The following CYP4F3 variants were observed in gnomAD, a reference collection of about 807,000 sequenced individuals.
CYP4F3 encodes the protein cytochrome P450 4F3.
In CYP4F3, 50 loss-of-function variants were observed where a neutral mutation model predicts 54.8. The ratio of observed to expected loss-of-function variants is 0.91; its 90% confidence interval spans 0.73 to 1.16. The LOEUF (loss-of-function observed/expected upper bound fraction) is 1.16. Ranked by LOEUF, CYP4F3 falls within the 50% of genes most tolerant of loss-of-function variation. The pLI, the probability that CYP4F3 is intolerant of heterozygous loss-of-function variation, is 0.00. For synonymous variants in CYP4F3, 244 were observed against 262.6 expected (o/e 0.93, Z 0.69); for missense variants, 715 against 676.2 (o/e 1.06, Z -0.64).
At chr19:15,657,657 A>G (rs1973062693) in intron 9 of CYP4F3, among the ~76,000 whole-genome samples, 1 of 116,720 alleles carries the variant, frequency 8.6e-6, no homozygotes, top group Non-Finnish European at 1.7e-5. Flanking sequence ...CAATAGTACT[A>G]TTGTATTATT....
At chr19:15,641,709 C>A in intron 2 of CYP4F3, 96 bp downstream of exon 2, 2 of 552,574 alleles carry the variant, frequency 3.6e-6, no homozygotes, top group East Asian at 5.0e-5. Flanking sequence ...GGGCTGGGGT[C>A]TGGGGTGGCA....
Position 15,658,489 on chromosome 19 carries a change from A to T in CYP4F3, c.1250-2A>T, listed in dbSNP as rs1022968272. The T allele has an allele frequency of 3.7e-6, 6 of 1,614,164 alleles. No individual in the cohort carries two copies. The highest frequency in any genetic ancestry group is 5.1e-6 in the Non-Finnish European group (6 of 1,180,032). ...TCCTGACTGCCCCCTTCTCTCCCAC[A>T]GGCATTATCTGCCTCATCAGTGTTT... On this transcript the variant is annotated splice_acceptor_variant, in intron 10 of 12. Coordinates refer to ENST00000221307, the MANE Select transcript of CYP4F3 (RefSeq NM_000896.3). LOFTEE classifies it high-confidence loss of function.
rs765921151 is a variant in CYP4F3, at chr19:15,659,411, CA to C, written c.*27del. The C allele has an allele frequency of 1.9e-6, 3 of 1,603,638 alleles. No individual in the cohort carries two copies. In the African/African-American group the frequency reaches 4.0e-5, roughly 22 times the overall value. On this transcript the variant is annotated 3_prime_UTR_variant, in exon 13 of 13. Transcript: ENST00000221307. ...GTTCTGCAGAGACCCACTCTGACCCCACTAAAATGACCCCTGATTCATCAAA... is the reference window on the plus strand; with the variant it reads ...GTTCTGCAGAGACCCACTCTGACCCCCTAAAATGACCCCTGATTCATCAAA...
At chr19:15,658,691 A>T (rs769969617) in intron 11 of CYP4F3, 36 bp from the exon 12 acceptor site, 14 of 1,612,046 alleles carry the variant, frequency 8.7e-6, no homozygotes, top group Non-Finnish European at 1.1e-5. Context: ...GGACTGGGAG[A>T]CCCCACCCGG....
At chr19:15,643,891 C>T (rs747694152) in intron 2 of CYP4F3, 18 of 1,545,250 alleles carry the variant, frequency 1.2e-5, no homozygotes, top group Non-Finnish European at 1.3e-5. Flanking sequence ...GGTGACGGCC[C>T]CTGCCTTGCT....
chr19:15,656,495 AT>A (rs1228399494), intron 9 of CYP4F3, among the ~76,000 whole-genome samples: 6 of 72,184 alleles, frequency 8.3e-5, no homozygotes, highest in Non-Finnish European at 1.5e-4. Context: ...CTATCTATCT[AT>A]CTATCTATCT....
At position 15,658,797 on chromosome 19, in the gene CYP4F3, C is replaced by T. The variant is rs201834595; in HGVS notation, c.1385C>T (p.Ser462Leu). 5.9e-4 allele frequency: 945 copies of T among 1,614,014 alleles called. No homozygotes were observed. Among genetic ancestry groups the T allele is most frequent in the Non-Finnish European group, 7.3e-4 (867 of 1,180,018 alleles). Residue 462 changes from serine (S) to leucine (L), a missense_variant, in exon 12 of 13, where the codon TCA becomes TTA. Transcript: ENST00000221307. ...ERSPLAFIPF[S>L]AGPRNCIGQA... ...TCACCTCTGGCTTTTATTCCCTTCT[C>T]AGCAGGGCCCAGGTAAGAGCGGCCT...
At chr19:15,658,877 G>A (rs1973110452) in intron 12 of CYP4F3, 68 bp downstream of exon 12, 2 of 1,561,642 alleles carry the variant, frequency 1.3e-6, no homozygotes, top group Non-Finnish European at 1.7e-6. Context: ...TGACAGTGGG[G>A]AAAAGGGGGA....
intron 2 of CYP4F3, among the ~76,000 whole-genome samples, chr19:15,644,560 C>G (rs547830426): frequency 6.6e-6 from 1 of 151,494 alleles, no homozygotes; most frequent in African/African-American, 2.4e-5. Context: ...CCAGGTCTAG[C>G]GTCACCTTGC....
Position 15,659,455 on chromosome 19 carries a change from C to T in CYP4F3, c.*70C>T. On this transcript the variant is annotated 3_prime_UTR_variant, in exon 13 of 13. Coordinates refer to ENST00000221307, the MANE Select transcript of CYP4F3 (RefSeq NM_000896.3). ...TCATCAAAAGTGAGGCCTAGAATTA[C>T]CCTAAGACCCTGTTCCACAGTCCTG... The T allele has an allele frequency of 6.4e-7, 1 of 1,564,468 alleles. No individual in the cohort carries two copies. The highest frequency in any genetic ancestry group is 8.7e-7 in the Non-Finnish European group (1 of 1,154,456).
At chr19:15,656,644 A>G (rs1006560660) in intron 9 of CYP4F3, among the ~76,000 whole-genome samples, 2 of 151,956 alleles carry the variant, frequency 1.3e-5, no homozygotes, top group Non-Finnish European at 2.9e-5. Context: ...TCTATCATCT[A>G]TGTAACTATG....
Position 15,661,571 on chromosome 19 carries a change from T to C in CYP4F3, c.*2186T>C, listed in dbSNP as rs1973185371. The C allele has an allele frequency of 6.6e-6, 1 of 152,224 alleles. No individual in the cohort carries two copies. Among genetic ancestry groups the C allele is most frequent in the Non-Finnish European group, 1.5e-5 (1 of 68,046 alleles). The allele number at this position is 152,224 out of a possible 1,614,324, so 9.4% of individuals were successfully genotyped here. Reference sequence around the variant, plus strand: ...CCTATATTTTCTTTGGTGAAGTGTCTGTTCAATCATCTGCTCATTAAATTT... The same window carrying C: ...CCTATATTTTCTTTGGTGAAGTGTCCGTTCAATCATCTGCTCATTAAATTT... On this transcript the variant is annotated 3_prime_UTR_variant, in exon 13 of 13. Coordinates refer to ENST00000221307, the MANE Select transcript of CYP4F3 (RefSeq NM_000896.3).
In CYP4F3 at chr19:15,649,357, G is replaced by C. The variant is rs1972720559; in HGVS notation, c.647+76G>C. On this transcript the variant is annotated intron_variant, in intron 6 of 12. Transcript: ENST00000221307. ...TAGGTGGGGGGCTGGGGAGGACTGA[G>C]CAGGGAAATCAGACAAACCTTCTTG... 3 of 1,604,612 alleles carry C rather than the reference G, an allele frequency of 1.9e-6. No individual in the cohort carries two copies. In the South Asian group the frequency reaches 3.3e-5, roughly 18 times the overall value.
rs1055889876 is a variant in CYP4F3 at position 15,662,402 on chromosome 19, A to G, written c.*3017A>G. Reference sequence around the variant, plus strand: ...GGGTGGATATATTTCTGGATTTTCTATTCTATTCCATGTTGGACCAATACC... The same window carrying G: ...GGGTGGATATATTTCTGGATTTTCTGTTCTATTCCATGTTGGACCAATACC... On this transcript the variant is annotated 3_prime_UTR_variant, in exon 13 of 13. Coordinates refer to ENST00000221307, the MANE Select transcript of CYP4F3 (RefSeq NM_000896.3). 3 of 151,664 alleles carry G rather than the reference A, an allele frequency of 2.0e-5. No homozygotes were observed. The highest frequency in any genetic ancestry group is 7.3e-5 in the African/African-American group (3 of 41,214). 9.4% of individuals were successfully genotyped at this position (151,664 alleles called of 1,614,324 possible).
At chr19:15,655,923 G>A (rs1485177981) in intron 9 of CYP4F3, among the ~76,000 whole-genome samples, 1 of 152,084 alleles carries the variant, frequency 6.6e-6, no homozygotes, top group Non-Finnish European at 1.5e-5. Flanking sequence ...TTTTTGTGTT[G>A]AGAACATTTG....
chr19:15,657,410 C>CA (rs1417272667), intron 9 of CYP4F3, among the ~76,000 whole-genome samples: 1 of 152,210 alleles, frequency 6.6e-6, no homozygotes. Context: ...AATTCTGCCT[C>CA]AGCCTCCTGA....
chr19:15,643,411 TAGATAGATAGATA>T (rs1972530547), intron 2 of CYP4F3, among the ~76,000 whole-genome samples: 1 of 68,442 alleles, frequency 1.5e-5, no homozygotes, highest in Admixed American at 1.6e-4. Flanking sequence ...GGTAAATAGA[TAGATAGATAGATA>T]GATAGATAGA....
intron 11 of CYP4F3, 21 bp downstream of exon 11, chr19:15,658,576 T>A (rs760357972): frequency 7.1e-5 from 115 of 1,613,636 alleles, no homozygotes; most frequent in Middle Eastern, 1.6e-4. Flanking sequence ...CCCGTCTCTG[T>A]TTTTGTCCAT....
rs1440468770 is a variant in CYP4F3, at chr19:15,651,612, G to T, written c.919-957G>T. Among the ~76,000 whole-genome samples, 2 of 151,162 alleles carry T rather than the reference G, an allele frequency of 1.3e-5. 1 individual carries two copies. The highest frequency in any genetic ancestry group is 3.0e-5 in the Non-Finnish European group (2 of 67,722). Reference sequence around the variant, plus strand: ...TCTGCCTGTCTCAGCCTCCCAAAGTGCTGGGATTACAGGTGTGAGCCACTG... The same window carrying T: ...TCTGCCTGTCTCAGCCTCCCAAAGTTCTGGGATTACAGGTGTGAGCCACTG... On this transcript the variant is annotated intron_variant, in intron 7 of 12. Coordinates refer to ENST00000221307, the MANE Select transcript of CYP4F3 (RefSeq NM_000896.3).
Sources: gnomAD v4.1 joint callset for allele counts (sites outside exome capture counted in the v4.1 genomes callset) on GRCh38, gnomAD v4.1.1 for gene constraint, MANE v1.5 for transcripts, NCBI Gene and HGNC (gene_info 2026-07-23, HGNC 2026-07-21) for gene names.